LPP: variants seen among roughly 807,000 people sequenced by gnomAD.
LPP encodes the protein lipoma-preferred partner.
In LPP, 38 loss-of-function variants were observed where a neutral mutation model predicts 60.4. The observed-to-expected ratio is 0.63, with a 90% CI of 0.49 to 0.83. The LOEUF is 0.83. Among genes scored for constraint, LPP ranks in the 40% least tolerant of loss-of-function variants. The pLI, the probability that LPP is intolerant of heterozygous loss-of-function variation, is 0.00. For synonymous variants in LPP, 328 were observed against 290.8 expected, an observed-to-expected ratio of 1.13 and a Z score of -1.30; for missense variants, 902 against 783.6, an observed-to-expected ratio of 1.15 and a Z score of -1.80.
chr3:188,422,264 CAG>C (rs1190599807), intron 4 of LPP, among the ~76,000 whole-genome samples: 5 of 152,206 alleles, frequency 3.3e-5, no homozygotes, highest in Admixed American at 2.0e-4. Context: ...CGCTAAGTAA[CAG>C]AAAATCAAGG....
chr3:188,803,383 G>A (rs903317831), intron 9 of LPP, among the ~76,000 whole-genome samples: 7 of 152,002 alleles, frequency 4.6e-5, no homozygotes, highest in African/African-American at 1.7e-4. Flanking sequence ...TGTTCATGAG[G>A]TTCTTCTAAC....
At chr3:188,479,662 G>A (rs1804210637) in intron 4 of LPP, among the ~76,000 whole-genome samples, 1 of 152,202 alleles carries the variant, frequency 6.6e-6, no homozygotes, top group Non-Finnish European at 1.5e-5. Flanking sequence ...AACCAGGAGG[G>A]AGTGATCATA....
chr3:188,766,007 A>T, intron 9 of LPP, among the ~76,000 whole-genome samples: 1 of 150,908 alleles, frequency 6.6e-6, no homozygotes, highest in Admixed American at 6.6e-5. Context: ...AGTAGCTGGG[A>T]TTACAGGCGC....
At chr3:188,706,073 C>T (rs910680518) in intron 7 of LPP, among the ~76,000 whole-genome samples, 4 of 152,126 alleles carry the variant, frequency 2.6e-5, no homozygotes, top group Non-Finnish European at 4.4e-5. Context: ...GTGGATAAAA[C>T]AATAAACAAA....
Position 188,535,508 on chromosome 3 carries a change from A to C in LPP, c.429+10721A>C, listed in dbSNP as rs528223728. On this transcript the variant is annotated intron_variant, in intron 6 of 11. Coordinates refer to ENST00000617246, the MANE Select transcript of LPP (RefSeq NM_001375462.1). ...ATTCTAGAAATATGCTAAAAAAGCT[A>C]ATCTGTAATAGATATAGAGTTAGCA... Among the ~76,000 whole-genome samples the C allele has an allele frequency of 1.4e-4, 22 of 152,350 alleles. No homozygotes were observed. The South Asian group carries it at 4.6e-3, about 32-fold the overall frequency.
chr3:188,849,609 A>G (rs936714384), intron 9 of LPP, among the ~76,000 whole-genome samples: 1 of 152,194 alleles, frequency 6.6e-6, no homozygotes, highest in African/African-American at 2.4e-5. Flanking sequence ...TGATATATAG[A>G]TAGGAGTCAG....
chr3:188,628,874 G>T (rs890561520), intron 7 of LPP, among the ~76,000 whole-genome samples: 1 of 152,074 alleles, frequency 6.6e-6, no homozygotes, highest in African/African-American at 2.4e-5. Flanking sequence ...CTAGCAAATT[G>T]AATCCAGCAG....
At chr3:188,611,224 C>A (rs980248406) in intron 7 of LPP, among the ~76,000 whole-genome samples, 4 of 152,084 alleles carry the variant, frequency 2.6e-5, no homozygotes, top group Non-Finnish European at 5.9e-5. Context: ...AATTGGCCAG[C>A]CATGATCCCT....
chr3:188,411,797 T>C (rs888778659), intron 4 of LPP, among the ~76,000 whole-genome samples: 1 of 152,182 alleles, frequency 6.6e-6, no homozygotes, highest in Non-Finnish European at 1.5e-5. Context: ...TCTTTTTCTG[T>C]TTTTGGTAAA....
intron 3 of LPP, among the ~76,000 whole-genome samples, chr3:188,359,970 C>G (rs1182914247): frequency 6.6e-6 from 1 of 152,186 alleles, no homozygotes; most frequent in Admixed American, 6.5e-5. Flanking sequence ...GCCTTCTCCA[C>G]TTTAACATAT....
At chr3:188,765,000 C>T (rs925436125) in intron 9 of LPP, among the ~76,000 whole-genome samples, 1 of 152,162 alleles carries the variant, frequency 6.6e-6, no homozygotes, top group Admixed American at 6.5e-5. Flanking sequence ...CTTTTGCTCC[C>T]TTATGTCATC....
intron 2 of LPP, among the ~76,000 whole-genome samples, chr3:188,333,555 G>T (rs1222170016): frequency 6.6e-6 from 1 of 152,124 alleles, no homozygotes; most frequent in East Asian, 1.9e-4. Flanking sequence ...GACCGGATTG[G>T]CTACTTCTCT....
chr3:188,374,636 A>G (rs906208143), intron 3 of LPP, among the ~76,000 whole-genome samples: 11 of 152,274 alleles, frequency 7.2e-5, no homozygotes, highest in African/African-American at 2.2e-4. Context: ...TAGATATACA[A>G]TCATGTCGTC....
At chr3:188,334,628 A>G (rs774631420) in intron 2 of LPP, among the ~76,000 whole-genome samples, 4 of 151,966 alleles carry the variant, frequency 2.6e-5, no homozygotes, top group Admixed American at 6.5e-5. Context: ...ACGGGGTTTC[A>G]TCATATTGGC....
At chr3:188,698,681 G>A (rs1456076732) in intron 7 of LPP, among the ~76,000 whole-genome samples, 1 of 152,212 alleles carries the variant, frequency 6.6e-6, no homozygotes, top group African/African-American at 2.4e-5. Flanking sequence ...AACATCAGTG[G>A]TTGTACCTTG....
In LPP at chr3:188,616,585, A is replaced by G. The variant is rs1447447580; in HGVS notation, c.1113+6741A>G. Among the ~76,000 whole-genome samples the G allele has an allele frequency of 7.0e-4, 9 of 12,940 alleles. No individual in the cohort carries two copies. In the South Asian group the frequency reaches 0.079, roughly 114 times the overall value. The allele number at this position is 12,940 out of a possible 152,430, so 8.5% of individuals were successfully genotyped here. Reference sequence around the variant, plus strand: ...TCTGTACAGGCTCTTTTTCATTTCTATGGGTTTTTTTTCATTTCCGTATAC... The same window carrying G: ...TCTGTACAGGCTCTTTTTCATTTCTGTGGGTTTTTTTTCATTTCCGTATAC... On this transcript the variant is annotated intron_variant, in intron 7 of 11. Transcript: ENST00000617246.
chr3:188,237,662 C>CT (rs369827599), intron 2 of LPP, among the ~76,000 whole-genome samples: 38 of 149,590 alleles, frequency 2.5e-4, no homozygotes, highest in African/African-American at 5.4e-4. Context: ...TGAAAGGAAT[C>CT]TTTTTTTTTT....
At chr3:188,430,917 C>T (rs1560395541) in intron 4 of LPP, among the ~76,000 whole-genome samples, 1 of 151,336 alleles carries the variant, frequency 6.6e-6, no homozygotes, top group African/African-American at 2.4e-5. Flanking sequence ...ACATAATTAA[C>T]TTTTTTTTTC....
chr3:188,767,540 T>A (rs749796474), intron 9 of LPP, among the ~76,000 whole-genome samples: 10 of 152,198 alleles, frequency 6.6e-5, no homozygotes, highest in Admixed American at 2.6e-4. Context: ...TACACTGATC[T>A]ATGCAAACAA....
Sources: gnomAD v4.1 joint callset for allele counts (sites outside exome capture counted in the v4.1 genomes callset) on GRCh38, gnomAD v4.1.1 for gene constraint, MANE v1.5 for transcripts, NCBI Gene and HGNC (gene_info 2026-07-23, HGNC 2026-07-21) for gene names.